Variants in PECR observed in about 807,000 individuals in gnomAD.
PECR encodes peroxisomal trans-2-enoyl-CoA reductase.
PECR carries 30 observed loss-of-function variants against 35.3 expected under a neutral mutation model. That is an observed-to-expected ratio of 0.85 (90% CI 0.64 to 1.15). The LOEUF (loss-of-function observed/expected upper bound fraction) is 1.15. Ranked by LOEUF, PECR falls within the 50% of genes most tolerant of loss-of-function variation. The probability of loss-of-function intolerance (pLI) is 0.00; values close to 1 mark genes in which losing one functional copy is unlikely to be tolerated. For missense variants in PECR, 392 were observed against 370.8 expected, an observed-to-expected ratio of 1.06 and a Z score of -0.47; for synonymous variants, 148 against 138.9, an observed-to-expected ratio of 1.07 and a Z score of -0.46.
intron 1 of PECR, among the ~76,000 whole-genome samples, chr2:216,074,599 G>C (rs1191887945): frequency 6.6e-6 from 1 of 152,044 alleles, no homozygotes; most frequent in Non-Finnish European, 1.5e-5. Context: ...GGTGATTAAT[G>C]CCTAACTTTG....
chr2:216,074,354 C>A (rs943460772), intron 1 of PECR, among the ~76,000 whole-genome samples: 1 of 151,778 alleles, frequency 6.6e-6, no homozygotes, highest in Non-Finnish European at 1.5e-5. Flanking sequence ...GACTAAGCCA[C>A]GAGAATTGCT....
chr2:216,059,128 T>C (rs1695285057), intron 3 of PECR, 152 bp from the exon 4 acceptor site: 11 of 674,282 alleles, frequency 1.6e-5, no homozygotes, highest in Non-Finnish European at 3.0e-5. Flanking sequence ...TTATACATCA[T>C]AAAATTCATC....
intron 6 of PECR, among the ~76,000 whole-genome samples, chr2:216,048,384 T>C (rs1411847663): frequency 4.0e-4 from 53 of 132,900 alleles, no homozygotes; most frequent in African/African-American, 1.5e-3. Flanking sequence ...CTTGTTTTCT[T>C]AAAAAAAAAA....
intron 6 of PECR, among the ~76,000 whole-genome samples, chr2:216,047,670 T>C (rs541521524): frequency 6.6e-6 from 1 of 152,338 alleles, no homozygotes; most frequent in African/African-American, 2.4e-5. Context: ...ACACAGTACA[T>C]AAATAAATAT....
chr2:216,034,809 T>A (rs1694767788), downstream of PECR, among the ~76,000 whole-genome samples: 1 of 152,076 alleles, frequency 6.6e-6, no homozygotes, highest in African/African-American at 2.4e-5. Flanking sequence ...AATGCAATCC[T>A]CATGGAAGAG....
At chr2:216,081,508 G>T in intron 1 of PECR, 110 bp downstream of exon 1, 1 of 1,376,658 alleles carries the variant, frequency 7.3e-7, no homozygotes, top group Non-Finnish European at 1.0e-6. Context: ...CCCCGTCTTT[G>T]CTCTGCAGCT....
intron 1 of PECR, among the ~76,000 whole-genome samples, chr2:216,075,804 A>G (rs1172379601): frequency 1.3e-5 from 2 of 152,204 alleles, no homozygotes; most frequent in Admixed American, 6.5e-5. Context: ...TGTTGGTAAC[A>G]GGCTAGTTAG....
chr2:216,067,375 C>A (rs377522098), intron 1 of PECR, among the ~76,000 whole-genome samples: 12 of 152,034 alleles, frequency 7.9e-5, no homozygotes, highest in African/African-American at 2.7e-4. Context: ...GTGTGCCCAC[C>A]AGAAAAAAAC....
chr2:216,077,937 T>C (rs1695745267), intron 1 of PECR, among the ~76,000 whole-genome samples: 1 of 151,624 alleles, frequency 6.6e-6, no homozygotes, highest in Admixed American at 6.6e-5. Flanking sequence ...GTCTTTTAAA[T>C]ATTTTTTAAT....
chr2:216,042,990 TAC>T (rs199922980), intron 7 of PECR, among the ~76,000 whole-genome samples: 1 of 120,744 alleles, frequency 8.3e-6, no homozygotes, highest in African/African-American at 3.2e-5. Context: ...TATATATATA[TAC>T]ATACGTATAT....
intron 7 of PECR, among the ~76,000 whole-genome samples, chr2:216,031,781 C>T (rs1257829804): frequency 6.6e-6 from 1 of 152,170 alleles, no homozygotes; most frequent in African/African-American, 2.4e-5. Context: ...ACCAGCCTAC[C>T]TCCACTTCAC....
chr2:216,034,776 G>T (rs931203667), downstream of PECR, among the ~76,000 whole-genome samples: 1 of 152,078 alleles, frequency 6.6e-6, no homozygotes, highest in Admixed American at 6.6e-5. Flanking sequence ...TGTCATTTCC[G>T]CCTCCCACGT....
intron 7 of PECR, 41 bp downstream of exon 7, chr2:216,043,863 A>G: frequency 9.6e-7 from 1 of 1,037,088 alleles, no homozygotes; most frequent in Non-Finnish European, 1.5e-6. Context: ...TGAACATGAC[A>G]CAGCATAAAG....
At chr2:216,073,615 AT>A (rs1695627338) in intron 1 of PECR, among the ~76,000 whole-genome samples, 1 of 151,482 alleles carries the variant, frequency 6.6e-6, no homozygotes, top group African/African-American at 2.4e-5. Flanking sequence ...TATATCTTTT[AT>A]TTTTATTATA....
chr2:216,075,526 T>C (rs1349215462), intron 1 of PECR, among the ~76,000 whole-genome samples: 5 of 152,212 alleles, frequency 3.3e-5, no homozygotes, highest in Non-Finnish European at 7.4e-5. Context: ...TACCTTATAA[T>C]AAACTAGAAA....
intron 7 of PECR, among the ~76,000 whole-genome samples, chr2:216,031,865 G>T (rs1353519842): frequency 6.6e-6 from 1 of 152,078 alleles, no homozygotes; most frequent in East Asian, 1.9e-4. Context: ...ACCTACCTGA[G>T]GACTTTATCT....
In PECR at chr2:216,065,765, T is replaced by C. The variant is rs141649835; in HGVS notation, c.259-288A>G. On this transcript the variant is annotated intron_variant, in intron 2 of 7. Coordinates refer to ENST00000265322, the MANE Select transcript of PECR (RefSeq NM_018441.6). Reference sequence around the variant, plus strand: ...TTGAGTAGGGCAGGCCTCTGTCATATATTAATTTGACAGCTACCAACCCAG... The same window carrying C: ...TTGAGTAGGGCAGGCCTCTGTCATACATTAATTTGACAGCTACCAACCCAG... Among the ~76,000 whole-genome samples the C allele has an allele frequency of 5.0e-3, 768 of 152,328 alleles. 6 individuals are homozygous for C. The highest frequency in any genetic ancestry group is 6.2e-3 in the Non-Finnish European group (423 of 68,018).
chr2:216,062,841 T>C (rs1339585752), intron 3 of PECR, among the ~76,000 whole-genome samples: 1 of 152,230 alleles, frequency 6.6e-6, no homozygotes, highest in Non-Finnish European at 1.5e-5. Flanking sequence ...TATGTCGAGA[T>C]ACACAAATAC....
chr2:216,047,261 G>GAAA (rs11396724), intron 6 of PECR, among the ~76,000 whole-genome samples: 3 of 142,380 alleles, frequency 2.1e-5, no homozygotes, highest in Non-Finnish European at 3.1e-5. Flanking sequence ...TTCGTCTCAG[G>GAAA]AAAAAAAAAA....
Sources: allele counts gnomAD v4.1 joint callset (sites outside exome capture counted in the v4.1 genomes callset), GRCh38; gene constraint gnomAD v4.1.1; transcripts MANE v1.5; gene names NCBI Gene and HGNC (gene_info 2026-07-23, HGNC 2026-07-21).